MAOA: variants seen among roughly 807,000 people sequenced by gnomAD.
MAOA encodes amine oxidase [flavin-containing] A.
Under a neutral mutation model 42.0 loss-of-function variants are expected in MAOA, and 6 were observed. That is an observed-to-expected ratio of 0.14 (90% CI 0.08 to 0.28). The LOEUF (loss-of-function observed/expected upper bound fraction) is 0.28, where lower values mean the gene tolerates loss of function less well. Among genes scored for constraint, MAOA ranks in the 10% least tolerant of loss-of-function variants. The pLI, the probability that MAOA is intolerant of heterozygous loss-of-function variation, is 1.00. For synonymous variants in MAOA, 140 were observed against 154.0 expected (o/e 0.91, Z 0.67); for missense variants, 262 against 422.3 (o/e 0.62, Z 3.33).
At chrX:43,674,245 T>G (rs1297276797) in intron 1 of MAOA, among the ~76,000 whole-genome samples, 1 of 110,637 alleles carries the variant, frequency 9.0e-6, no homozygotes, top group African/African-American at 3.3e-5. Context: ...TAAAGTCTGT[T>G]TTATCAGAGA....
chrX:43,742,176 A>G, intron 12 of MAOA, 129 bp downstream of exon 12: 1 of 1,055,116 alleles, frequency 9.5e-7, no homozygotes, highest in Non-Finnish European at 1.3e-6. Flanking sequence ...TAATACTTGT[A>G]TATTTCTGGA....
intron 1 of MAOA, among the ~76,000 whole-genome samples, chrX:43,675,394 C>T (rs780168626): frequency 2.4e-4 from 27 of 112,071 alleles, no homozygotes; most frequent in African/African-American, 7.8e-4. Context: ...GAATTTCCTC[C>T]TGTAGCTCGG....
In MAOA at chrX:43,712,709, C is replaced by A. The variant is rs1450929926; in HGVS notation, c.416C>A (p.Pro139Gln). The A allele has an allele frequency of 1.7e-5, 20 of 1,196,664 alleles. No homozygotes were observed. Among genetic ancestry groups the A allele is most frequent in the Non-Finnish European group, 2.3e-5 (20 of 883,898 alleles). ...GGGGACTTCCTTTCTCTACAGATTCCAACTGATGCACCCTGGGAGGCTCAA... is the reference window on the plus strand; with the variant it reads ...GGGGACTTCCTTTCTCTACAGATTCAAACTGATGCACCCTGGGAGGCTCAA... ...RTIDNMGKEI[P>Q]TDAPWEAQHA... Residue 139 changes from proline (P) to glutamine (Q), a missense_variant, in exon 5 of 15, where the codon CCA becomes CAA. Coordinates refer to ENST00000338702, the MANE Select transcript of MAOA (RefSeq NM_000240.4).
At chrX:43,734,993 G>A (rs1036578504) in intron 9 of MAOA, among the ~76,000 whole-genome samples, 5 of 111,977 alleles carry the variant, frequency 4.5e-5, no homozygotes, top group African/African-American at 1.6e-4. Flanking sequence ...TTAATAACAA[G>A]CTATAACTTG....
At chrX:43,662,008 T>C (rs1192382105) in intron 1 of MAOA, among the ~76,000 whole-genome samples, 3 of 111,779 alleles carry the variant, frequency 2.7e-5, no homozygotes, top group Non-Finnish European at 5.6e-5. Flanking sequence ...ATTCCGATGA[T>C]TGAGTCCACA....
At chrX:43,719,419 C>A (rs2033770784) in intron 5 of MAOA, among the ~76,000 whole-genome samples, 1 of 110,559 alleles carries the variant, frequency 9.0e-6, no homozygotes, top group Non-Finnish European at 1.9e-5. Flanking sequence ...CAGCAATCTG[C>A]CACAAGGGTG....
chrX:43,693,780 T>TAC (rs112883967), intron 3 of MAOA, among the ~76,000 whole-genome samples: 15,194 of 102,303 alleles, frequency 0.15, 1,249 homozygotes, highest in African/African-American at 0.27. Flanking sequence ...AACAGACATG[T>TAC]ACACACACAC....
chrX:43,704,540 T>C (rs1160589408), intron 3 of MAOA, among the ~76,000 whole-genome samples: 1 of 111,379 alleles, frequency 9.0e-6, no homozygotes, highest in East Asian at 2.8e-4. Flanking sequence ...TAATACTCAA[T>C]GGTAAAAGAT....
intron 1 of MAOA, among the ~76,000 whole-genome samples, chrX:43,661,275 G>A (rs887657673): frequency 2.7e-5 from 3 of 111,547 alleles, no homozygotes; most frequent in Non-Finnish European, 5.7e-5. Flanking sequence ...CTGTACATAA[G>A]GTACTTCTAT....
chrX:43,660,818 C>T (rs1817704294), intron 1 of MAOA, among the ~76,000 whole-genome samples: 1 of 111,731 alleles, frequency 9.0e-6, no homozygotes, highest in Admixed American at 9.6e-5. Context: ...TGAGCTGCCA[C>T]AGATACAATA....
In MAOA at chrX:43,731,395, C is replaced by G. The variant is rs1345757234; in HGVS notation, c.795+5C>G. On this transcript the variant is annotated splice_donor_5th_base_variant and intron_variant, in intron 7 of 14. Coordinates refer to ENST00000338702, the MANE Select transcript of MAOA (RefSeq NM_000240.4). ...CTGAACCATGAACATTATGAGGTAA[C>G]TCAGTTTAGTCAAAAGGAGCATATA... The G allele has an allele frequency of 4.1e-6, 5 of 1,206,739 alleles. No individual in the cohort carries two copies. In the South Asian group the frequency reaches 7.0e-5, roughly 17 times the overall value.
intron 3 of MAOA, 42 bp from the exon 4 acceptor site, chrX:43,711,830 T>C (rs1489767341): frequency 1.0e-6 from 1 of 1,003,658 alleles, no homozygotes. Context: ...AAATTTAAGA[T>C]ATTACTCTTT....
intron 1 of MAOA, among the ~76,000 whole-genome samples, chrX:43,674,102 A>G (rs1210591679): frequency 3.1e-4 from 34 of 111,469 alleles, no homozygotes; most frequent in African/African-American, 1.0e-3. Context: ...TAGGTCACTC[A>G]GGACTTGCTT....
chrX:43,676,523 C>T (rs2033398622), intron 1 of MAOA, among the ~76,000 whole-genome samples: 1 of 111,784 alleles, frequency 8.9e-6, no homozygotes, highest in Admixed American at 9.5e-5. Flanking sequence ...GCAGAAATCA[C>T]CCGTCTTCTG....
At chrX:43,732,963 G>C (rs925491122) in intron 9 of MAOA, among the ~76,000 whole-genome samples, 168 bp downstream of exon 9, 4 of 112,163 alleles carry the variant, frequency 3.6e-5, no homozygotes, top group African/African-American at 1.3e-4. Flanking sequence ...TTCGTATGTA[G>C]CACAAGAATA....
chrX:43,715,327 C>T (rs894939246), intron 5 of MAOA, among the ~76,000 whole-genome samples: 3 of 109,262 alleles, frequency 2.7e-5, no homozygotes, highest in African/African-American at 3.3e-5. Context: ...AGAGGGGTAG[C>T]GCAGAGAGAG....
At chrX:43,740,505 G>GT (rs2033951733) in intron 10 of MAOA, among the ~76,000 whole-genome samples, 176 bp from the exon 11 acceptor site, 1 of 111,935 alleles carries the variant, frequency 8.9e-6, no homozygotes, top group South Asian at 3.7e-4. Context: ...GTTAATTTGA[G>GT]TGCGGGGATT....
Position 43,656,426 on chromosome X carries a change from C to A in MAOA, c.73+12C>A. On this transcript the variant is annotated intron_variant, in intron 1 of 14. Coordinates refer to ENST00000338702, the MANE Select transcript of MAOA (RefSeq NM_000240.4). ...AGGTGGCATTTCAGGTCAGTGTGGA[C>A]CGTAGCGGTGGCCTGGGGGACCCTG... 3 of 1,206,272 alleles carry A rather than the reference C, an allele frequency of 2.5e-6. No individual in the cohort carries two copies. Among genetic ancestry groups the A allele is most frequent in the South Asian group, 3.5e-5 (2 of 56,864 alleles).
At chrX:43,679,831 G>A (rs2033428906) in intron 1 of MAOA, among the ~76,000 whole-genome samples, 1 of 112,098 alleles carries the variant, frequency 8.9e-6, no homozygotes, top group African/African-American at 3.2e-5. Context: ...CATCACTTTC[G>A]ACTTAGTAAT....
Sources: gnomAD v4.1 joint callset for allele counts (sites outside exome capture counted in the v4.1 genomes callset) on GRCh38, gnomAD v4.1.1 for gene constraint, MANE v1.5 for transcripts, NCBI Gene and HGNC (gene_info 2026-07-23, HGNC 2026-07-21) for gene names.